Variants in RTN1 observed in about 807,000 individuals in gnomAD.
RTN1 encodes reticulon 1.
RTN1 carries 25 observed loss-of-function variants against 65.5 expected under a neutral mutation model. The ratio of observed to expected loss-of-function variants is 0.38; its 90% CI spans 0.28 to 0.53. The LOEUF is 0.53. Among genes scored for constraint, RTN1 ranks in the 20% least tolerant of loss-of-function variants. The pLI is 0.79. For missense variants in RTN1, 983 were observed against 1,025.4 expected (o/e 0.96, Z 0.57); for synonymous variants, 471 against 447.6 (o/e 1.05, Z -0.66).
intron 1 of RTN1, among the ~76,000 whole-genome samples, chr14:59,818,137 C>T (rs896470912): frequency 6.6e-6 from 1 of 152,228 alleles, no homozygotes; most frequent in Non-Finnish European, 1.5e-5. Context: ...ATTTGGCTTT[C>T]TGTGTTAATT....
intron 2 of RTN1, among the ~76,000 whole-genome samples, chr14:59,734,089 A>G (rs547864688): frequency 2.6e-5 from 4 of 152,340 alleles, no homozygotes; most frequent in Non-Finnish European, 5.9e-5. Context: ...CAGGTATGGG[A>G]AAAACCAAGG....
chr14:59,792,060 G>T (rs997439463), intron 1 of RTN1, among the ~76,000 whole-genome samples: 1 of 152,124 alleles, frequency 6.6e-6, no homozygotes, highest in African/African-American at 2.4e-5. Context: ...GAGTCATGGA[G>T]GTTCCTGGAG....
Position 59,749,473 on chromosome 14 carries a change from CTATATATCTA to C in RTN1, c.242-3002_242-2993del, listed in dbSNP as rs1228619760. Among the ~76,000 whole-genome samples the C allele has an allele frequency of 7.2e-3, 568 of 79,178 alleles. 62 individuals carry two copies. The highest frequency in any genetic ancestry group is 0.011 in the Admixed American group (50 of 4,640). The allele number at this position is 79,178 out of a possible 152,430, so 51.9% of individuals were successfully genotyped here. A position where few individuals can be genotyped will look rare whatever the true frequency, so the allele number is the denominator to read the frequency against. On this transcript the variant is annotated intron_variant, in intron 1 of 8. Transcript: ENST00000267484. ...ATATATCTATATATATCTAATCTATCTATATATCTATATATATCTATATATATCTATATAT... is the reference window on the plus strand; with the variant it reads ...ATATATCTATATATATCTAATCTATCTATATATCTATATATATCTATATAT...
At chr14:59,691,550 C>T (rs557485847) in intron 3 of RTN1, among the ~76,000 whole-genome samples, 1 of 152,124 alleles carries the variant, frequency 6.6e-6, no homozygotes, top group East Asian at 1.9e-4. Context: ...TCCAAAACAT[C>T]GAGGAGGGGG....
intron 3 of RTN1, among the ~76,000 whole-genome samples, chr14:59,646,701 C>T (rs1882904857): frequency 6.6e-6 from 1 of 152,116 alleles, no homozygotes; most frequent in Admixed American, 6.6e-5. Flanking sequence ...TAACCTTCCT[C>T]AGTGAAGAAG....
chr14:59,847,418 A>G (rs1269582324), intron 1 of RTN1, among the ~76,000 whole-genome samples: 1 of 152,238 alleles, frequency 6.6e-6, no homozygotes, highest in Non-Finnish European at 1.5e-5. Flanking sequence ...TTGACTAATA[A>G]AAGATGTTTT....
At chr14:59,627,013 G>C (rs184521202) in intron 3 of RTN1, among the ~76,000 whole-genome samples, 67 of 152,264 alleles carry the variant, frequency 4.4e-4, no homozygotes, top group African/African-American at 1.5e-3. Context: ...AGTAAGATAG[G>C]CAGTGAGTGC....
At chr14:59,637,718 A>G (rs1882695128) in intron 3 of RTN1, among the ~76,000 whole-genome samples, 1 of 151,890 alleles carries the variant, frequency 6.6e-6, no homozygotes, top group Non-Finnish European at 1.5e-5. Context: ...CTCAAAAAAA[A>G]AAAAAAAAAT....
chr14:59,727,517 C>T lies in RTN1; in HGVS notation c.1167G>A (p.Arg389=). The T allele has an allele frequency of 1.2e-6, 2 of 1,604,232 alleles. No individual in the cohort carries two copies. Among genetic ancestry groups the T allele is most frequent in the Non-Finnish European group, 1.7e-6 (2 of 1,176,130 alleles). The change falls in exon 3 of 9, where the codon AGG becomes AGA. Residue 389 remains arginine, a synonymous_variant. Coordinates refer to ENST00000267484, the MANE Select transcript of RTN1 (RefSeq NM_021136.3). This position sits in a 1 kb window ranked among gnomAD's most constrained non-coding sequence, Gnocchi z 4.2. ...GGCTGGGGATGGTTGGCGGTCCGGA[C>T]CTGGCCTTGACCTCGGGCCTGTCGG... is the stretch of plus-strand genomic sequence containing the variant. ...QLADRPEVKA[R]SGPPTIPSPL... is the part of the protein sequence containing the mutation.
At chr14:59,810,755 C>T (rs1198961086) in intron 1 of RTN1, among the ~76,000 whole-genome samples, 4 of 152,010 alleles carry the variant, frequency 2.6e-5, no homozygotes, top group African/African-American at 4.8e-5. Flanking sequence ...TAGGAGTCAG[C>T]GAGGTGAAGA....
At chr14:59,670,861 T>C (rs1050911906) in intron 3 of RTN1, among the ~76,000 whole-genome samples, 2 of 152,270 alleles carry the variant, frequency 1.3e-5, no homozygotes, top group Non-Finnish European at 2.9e-5. Context: ...ACTCCTTCTA[T>C]AACAGCAACA....
intron 2 of RTN1, among the ~76,000 whole-genome samples, chr14:59,737,268 A>G (rs557265761): frequency 6.6e-6 from 1 of 152,298 alleles, no homozygotes; most frequent in Non-Finnish European, 1.5e-5. Flanking sequence ...AGAAAATCCC[A>G]TTTTCTCAGT....
intron 1 of RTN1, among the ~76,000 whole-genome samples, chr14:59,806,735 C>A (rs551648682): frequency 6.6e-6 from 1 of 152,262 alleles, no homozygotes; most frequent in Non-Finnish European, 1.5e-5. Context: ...TCTGTTCCTG[C>A]ATCAGTTTTC....
intron 3 of RTN1, among the ~76,000 whole-genome samples, chr14:59,717,232 T>C (rs1423982315): frequency 6.6e-6 from 1 of 152,176 alleles, no homozygotes; most frequent in East Asian, 1.9e-4. Context: ...TGCAAGTGCT[T>C]TGTAGGCAGA....
chr14:59,760,652 T>G (rs1885729727), intron 1 of RTN1, among the ~76,000 whole-genome samples: 3 of 152,232 alleles, frequency 2.0e-5, no homozygotes, highest in Non-Finnish European at 4.4e-5. Flanking sequence ...TCTCTTAGGT[T>G]CTCATCTTTC....
At chr14:59,781,866 A>G (rs994156424) in intron 1 of RTN1, among the ~76,000 whole-genome samples, 4 of 152,228 alleles carry the variant, frequency 2.6e-5, no homozygotes, top group African/African-American at 9.6e-5. Context: ...CTTTTGAAAT[A>G]TTTCTGGAAC....
intron 1 of RTN1, among the ~76,000 whole-genome samples, chr14:59,867,244 T>G (rs1220032324): frequency 6.6e-6 from 1 of 152,226 alleles, no homozygotes; most frequent in East Asian, 1.9e-4. Flanking sequence ...TCCTTTTGAA[T>G]AGTTTCCAGT....
At chr14:59,783,765 T>C (rs1358797762) in intron 1 of RTN1, among the ~76,000 whole-genome samples, 1 of 152,120 alleles carries the variant, frequency 6.6e-6, no homozygotes, top group Middle Eastern at 3.2e-3. Context: ...TCTTTGAGGA[T>C]AACCCAAGGT....
In RTN1 at chr14:59,727,514, G is replaced by A. The variant is rs147679653; in HGVS notation, c.1170C>T (p.Ser390=). ...LADRPEVKAR[S]GPPTIPSPLD... is the part of the protein sequence containing the mutation. The stretch of plus-strand genomic sequence containing the variant: ...GGGGGCTGGGGATGGTTGGCGGTCC[G>A]GACCTGGCCTTGACCTCGGGCCTGT... The change falls in exon 3 of 9, where the codon TCC becomes TCT. Residue 390 remains serine (S), a synonymous_variant. Coordinates refer to ENST00000267484, the MANE Select transcript of RTN1 (RefSeq NM_021136.3). This position sits in a 1 kb window ranked among gnomAD's most constrained non-coding sequence, Gnocchi z 4.2. 1.5e-4 allele frequency: 240 copies of A among 1,602,534 alleles called. No homozygotes were observed. Among genetic ancestry groups the A allele is most frequent in the East Asian group, 1.8e-4 (8 of 44,452 alleles).
Sources: gnomAD v4.1 joint callset for allele counts (sites outside exome capture counted in the v4.1 genomes callset) on GRCh38, gnomAD v4.1.1 for gene constraint, Gnocchi (gnomAD v3.1) non-coding constraint, MANE v1.5 for transcripts, NCBI Gene and HGNC (gene_info 2026-07-23, HGNC 2026-07-21) for gene names.